The following SLC12A8 variants were observed in gnomAD, a reference collection of about 807,000 sequenced individuals.
SLC12A8 encodes solute carrier family 12 member 8.
SLC12A8 carries 69 observed loss-of-function variants against 75.6 expected under a neutral mutation model. The ratio of observed to expected loss-of-function variants is 0.91; its 90% CI spans 0.75 to 1.11. The LOEUF (loss-of-function observed/expected upper bound fraction) is 1.11. Ranked by LOEUF, SLC12A8 falls within the 50% of genes most tolerant of loss-of-function variation. The pLI, the probability that SLC12A8 is intolerant of heterozygous loss-of-function variation, is 0.00. For missense variants in SLC12A8, 877 were observed against 896.7 expected, an observed-to-expected ratio of 0.98 and a Z score of 0.28; for synonymous variants, 365 against 372.8, an observed-to-expected ratio of 0.98 and a Z score of 0.24.
At chr3:125,198,882 A>G (rs1032039790) in intron 2 of SLC12A8, among the ~76,000 whole-genome samples, 2 of 150,534 alleles carry the variant, frequency 1.3e-5, no homozygotes, top group Non-Finnish European at 2.9e-5. Flanking sequence ...AGTTCATGCC[A>G]TTCCCCTGCC....
At position 125,142,269 on chromosome 3, in the gene SLC12A8, C is replaced by G. The variant is rs574615131; in HGVS notation, c.623-6487G>C. On this transcript the variant is annotated intron_variant, in intron 5 of 13. Coordinates refer to ENST00000469902, the MANE Select transcript of SLC12A8 (RefSeq NM_024628.6). ...AAGCAGCCCCATCCTCGCCCGGACACTCACTCAGATACTGCCCAGCCCCAG... is the reference window on the plus strand; with the variant it reads ...AAGCAGCCCCATCCTCGCCCGGACAGTCACTCAGATACTGCCCAGCCCCAG... 2.2e-4 allele frequency among the ~76,000 whole-genome samples: 34 copies of G among 152,350 alleles called. 1 individual carries two copies. In the South Asian group the frequency reaches 7.0e-3, roughly 32 times the overall value.
intron 2 of SLC12A8, among the ~76,000 whole-genome samples, chr3:125,192,266 G>T (rs562684939): frequency 6.6e-6 from 1 of 152,118 alleles, no homozygotes; most frequent in Non-Finnish European, 1.5e-5. Context: ...AGGCAGGCCG[G>T]GAGGGGGCCC....
Position 125,088,489 on chromosome 3 carries a change from A to G in SLC12A8, c.1922-119T>C, listed in dbSNP as rs1283216084. 6 of 767,266 alleles carry G rather than the reference A, an allele frequency of 7.8e-6. No homozygotes were observed. The East Asian group carries it at 1.1e-4, about 14-fold the overall frequency. The allele number at this position is 767,266 out of a possible 1,614,324, so 47.5% of individuals were successfully genotyped here. On this transcript the variant is annotated intron_variant, in intron 12 of 13. Coordinates refer to ENST00000469902, the MANE Select transcript of SLC12A8 (RefSeq NM_024628.6). ...ACACACACGCACAGAATTAACACAA[A>G]TGTTTTCCTTTTTCAGTCTAAACAA...
chr3:125,119,972 G>T, intron 7 of SLC12A8: 3 of 451,258 alleles, frequency 6.6e-6, no homozygotes, highest in South Asian at 4.7e-5. Context: ...GGGTGGCACA[G>T]TGTGAACTAA....
At chr3:125,143,430 G>T (rs1285275423) in intron 5 of SLC12A8, among the ~76,000 whole-genome samples, 1 of 152,260 alleles carries the variant, frequency 6.6e-6, no homozygotes. Context: ...CTGGGCGTGA[G>T]CCTGGAGTCT....
chr3:125,101,116 T>A (rs1938864130), intron 10 of SLC12A8, among the ~76,000 whole-genome samples: 1 of 151,630 alleles, frequency 6.6e-6, no homozygotes, highest in Non-Finnish European at 1.5e-5. Context: ...AGTGTTGGCA[T>A]ACACACTGTG....
intron 5 of SLC12A8, among the ~76,000 whole-genome samples, chr3:125,143,199 A>C (rs531895551): frequency 6.6e-6 from 1 of 152,382 alleles, no homozygotes; most frequent in Non-Finnish European, 1.5e-5. Flanking sequence ...GATAGTATCA[A>C]GTCCCAATCT....
intron 5 of SLC12A8, among the ~76,000 whole-genome samples, chr3:125,169,271 G>A (rs1309785922): frequency 3.3e-5 from 5 of 152,170 alleles, no homozygotes; most frequent in Non-Finnish European, 7.3e-5. Context: ...TTTAAATTAA[G>A]TTATCGTGCT....
At chr3:125,110,364 T>C (rs746971037) in intron 8 of SLC12A8, 29 bp from the exon 9 acceptor site, 8 of 1,602,580 alleles carry the variant, frequency 5.0e-6, no homozygotes, top group Non-Finnish European at 6.8e-6. Flanking sequence ...CATTCGCCAG[T>C]GCCAGAACCT....
At chr3:125,182,057 G>A (rs1170887102) in intron 4 of SLC12A8, among the ~76,000 whole-genome samples, 1 of 152,182 alleles carries the variant, frequency 6.6e-6, no homozygotes, top group East Asian at 1.9e-4. Context: ...GGGTGCAGTG[G>A]TTTACGCCTA....
chr3:125,105,644 G>A (rs1939003378), intron 10 of SLC12A8, among the ~76,000 whole-genome samples: 1 of 152,166 alleles, frequency 6.6e-6, no homozygotes, highest in Admixed American at 6.5e-5. Context: ...ACTTAGTCAT[G>A]ATAACAAGAA....
chr3:125,091,580 C>G (rs773447534), intron 11 of SLC12A8, 24 bp from the exon 12 acceptor site: 13 of 1,509,152 alleles, frequency 8.6e-6, no homozygotes, highest in Non-Finnish European at 1.2e-5. Flanking sequence ...GTAGGAAGAG[C>G]AAATCACCTA....
chr3:125,166,887 C>T (rs113508641), intron 5 of SLC12A8, among the ~76,000 whole-genome samples: 8 of 152,320 alleles, frequency 5.3e-5, no homozygotes, highest in African/African-American at 1.7e-4. Context: ...TAGCCGACAT[C>T]ACTTAGGGCC....
chr3:125,166,085 C>G (rs994102946), intron 5 of SLC12A8, among the ~76,000 whole-genome samples: 1 of 152,156 alleles, frequency 6.6e-6, no homozygotes, highest in Non-Finnish European at 1.5e-5. Flanking sequence ...CCAAGCGTTT[C>G]GCCCAGCCCA....
intron 6 of SLC12A8, chr3:125,125,880 A>G (rs545893256): frequency 3.1e-6 from 3 of 968,078 alleles, no homozygotes; most frequent in Non-Finnish European, 3.7e-6. Flanking sequence ...ACATACCCAC[A>G]AGAAGGCTGA....
chr3:125,198,612 G>C (rs1204105984), intron 2 of SLC12A8, among the ~76,000 whole-genome samples: 1 of 152,048 alleles, frequency 6.6e-6, no homozygotes, highest in African/African-American at 2.4e-5. Context: ...CAGCCTGGGG[G>C]AGAATAGTGA....
intron 5 of SLC12A8, among the ~76,000 whole-genome samples, chr3:125,172,422 A>G (rs1432503728): frequency 1.3e-5 from 2 of 152,076 alleles, no homozygotes; most frequent in African/African-American, 4.8e-5. Context: ...GCTCTCAGGA[A>G]AGAACCACAT....
intron 5 of SLC12A8, among the ~76,000 whole-genome samples, chr3:125,142,361 G>T (rs991098105): frequency 3.9e-5 from 6 of 152,228 alleles, no homozygotes; most frequent in Non-Finnish European, 1.5e-5. Context: ...GCTGGGGATG[G>T]GGTTTTTCTT....
At chr3:125,177,368 A>G (rs907800155) in intron 5 of SLC12A8, among the ~76,000 whole-genome samples, 3 of 151,904 alleles carry the variant, frequency 2.0e-5, no homozygotes, top group Non-Finnish European at 2.9e-5. Context: ...AGATATACCT[A>G]ATGTAAATGA....
Sources: allele counts gnomAD v4.1 joint callset (sites outside exome capture counted in the v4.1 genomes callset), GRCh38; gene constraint gnomAD v4.1.1; transcripts MANE v1.5; gene names NCBI Gene and HGNC (gene_info 2026-07-23, HGNC 2026-07-21).